Variants in RNF17 observed in about 807,000 individuals in gnomAD.
RNF17 encodes spermatogenesis associated 23.
A neutral mutation model predicts 200.5 loss-of-function variants in RNF17; 31 were observed. The ratio of observed to expected loss-of-function variants is 0.15; its 90% CI spans 0.12 to 0.21. The LOEUF (loss-of-function observed/expected upper bound fraction) is 0.21. Ranked by LOEUF, RNF17 falls within the 10% of genes least tolerant of loss-of-function variation. The probability of loss-of-function intolerance (pLI) is 1.00; values close to 1 mark genes in which losing one functional copy is unlikely to be tolerated. For synonymous variants in RNF17, 606 were observed against 637.8 expected (o/e 0.95, Z 0.75); for missense variants, 1,628 against 1,905.1 (o/e 0.85, Z 2.71).
intron 11 of RNF17, among the ~76,000 whole-genome samples, chr13:24,798,048 T>TACTA (rs1269912542): frequency 2.0e-5 from 3 of 152,144 alleles, no homozygotes; most frequent in African/African-American, 7.2e-5. Flanking sequence ...GTTAACCCAC[T>TACTA]ACCACTATGA....
At chr13:24,876,195 G>A (rs1894837723) in intron 33 of RNF17, among the ~76,000 whole-genome samples, 1 of 152,176 alleles carries the variant, frequency 6.6e-6, no homozygotes, top group South Asian at 2.1e-4. Context: ...GCTTACAAAT[G>A]TGTCATGATC....
intron 3 of RNF17, among the ~76,000 whole-genome samples, chr13:24,775,500 C>T (rs1343412341): frequency 2.6e-5 from 4 of 152,146 alleles, no homozygotes; most frequent in Non-Finnish European, 4.4e-5. Context: ...ATCCTTCTGC[C>T]TCAGCCTCTC....
the RNF17 span, among the ~76,000 whole-genome samples, chr13:24,757,940 A>T: frequency 6.6e-6 from 1 of 152,044 alleles, no homozygotes; most frequent in African/African-American, 2.4e-5. Flanking sequence ...ATGGGGGTGG[A>T]TCCTTCATGA....
downstream of RNF17, chr13:24,882,926 A>T: frequency 2.0e-6 from 1 of 487,990 alleles, no homozygotes; most frequent in South Asian, 2.2e-5. Context: ...TACTGTAAAA[A>T]CCTGTACACA....
chr13:24,858,737 T>C (rs1892783639), intron 25 of RNF17, among the ~76,000 whole-genome samples: 1 of 152,136 alleles, frequency 6.6e-6, no homozygotes, highest in Admixed American at 6.5e-5. Context: ...ACTGACCCTA[T>C]TTTGAATTGG....
intron 7 of RNF17, among the ~76,000 whole-genome samples, chr13:24,788,549 A>G (rs758812068): frequency 3.9e-5 from 6 of 152,096 alleles, no homozygotes; most frequent in South Asian, 4.2e-4. Context: ...CACATAAACA[A>G]TTTAGGTGTG....
chr13:24,845,444 T>C (rs1463298251), intron 22 of RNF17, among the ~76,000 whole-genome samples: 2 of 152,226 alleles, frequency 1.3e-5, no homozygotes, highest in Non-Finnish European at 2.9e-5. Flanking sequence ...TTTAGTCTAC[T>C]GGAATCCCAC....
chr13:24,826,751 C>T (rs962017759), intron 16 of RNF17, among the ~76,000 whole-genome samples: 2 of 150,122 alleles, frequency 1.3e-5, no homozygotes, highest in Admixed American at 6.7e-5. Context: ...CCAGCCTGGG[C>T]GACAGAGCAA....
intron 27 of RNF17, among the ~76,000 whole-genome samples, chr13:24,862,172 A>G (rs1274362163): frequency 6.6e-6 from 1 of 152,204 alleles, no homozygotes; most frequent in Non-Finnish European, 1.5e-5. Flanking sequence ...GGGTGGGGAC[A>G]CAGCCAAACC....
chr13:24,751,936 C>T, the RNF17 span: 1 of 152,174 alleles, frequency 6.6e-6, no homozygotes, highest in Admixed American at 6.5e-5. Flanking sequence ...CCATAATGTA[C>T]AGCAGGCGTG....
intron 15 of RNF17, among the ~76,000 whole-genome samples, chr13:24,810,411 CTT>C (rs1228360659): frequency 1.8e-5 from 2 of 113,788 alleles, no homozygotes; most frequent in African/African-American, 3.7e-5. Context: ...TTCTTTGTCT[CTT>C]TTGATCTTTG....
intron 18 of RNF17, among the ~76,000 whole-genome samples, chr13:24,835,687 G>T (rs1199340462): frequency 6.6e-6 from 1 of 152,188 alleles, no homozygotes; most frequent in African/African-American, 2.4e-5. Flanking sequence ...TTCAGCCCTA[G>T]ACCTTCCCTC....
rs1197987088 is a variant in RNF17 at position 24,868,623 on chromosome 13, C to G, written c.4185C>G (p.Asp1395Glu). ...AGGAATTGCTTTCGGCTGAAACAGA[C>G]ACTCCTCTTTTACCACCATATTTGT... ...RFEELLSAET[D>E]TPLLPPYLSS... Residue 1395 changes from aspartate to glutamate, a missense_variant, in exon 31 of 36, where the codon GAC becomes GAG. Transcript: ENST00000255324. 1 of 1,605,314 alleles carries G rather than the reference C, an allele frequency of 6.2e-7. No homozygotes were observed. The highest frequency in any genetic ancestry group is 1.1e-5 in the South Asian group (1 of 90,916).
At chr13:24,874,357 G>A (rs1894628228) in intron 33 of RNF17, 108 bp downstream of exon 33, 1 of 823,110 alleles carries the variant, frequency 1.2e-6, no homozygotes, top group East Asian at 3.5e-5. Flanking sequence ...TTCTAAGGCT[G>A]TTTATAAATT....
the RNF17 span, among the ~76,000 whole-genome samples, chr13:24,747,914 G>C: frequency 6.6e-6 from 1 of 152,236 alleles, no homozygotes; most frequent in Non-Finnish European, 1.5e-5. Context: ...CCGTGCTCGG[G>C]CCCTACCCAG....
intron 33 of RNF17, 91 bp from the exon 34 acceptor site, chr13:24,876,904 AAT>A: frequency 9.8e-7 from 1 of 1,021,320 alleles, no homozygotes; most frequent in Non-Finnish European, 1.4e-6. Context: ...TGCAAAATCC[AAT>A]GTTATGAAGC....
chr13:24,882,173 G>T (rs866898956), downstream of RNF17: 3 of 5,982 alleles, frequency 5.0e-4, 1 homozygote, highest in Non-Finnish European at 5.8e-4. Flanking sequence ...TATATAGATA[G>T]ATACATCTAT....
At position 24,842,037 on chromosome 13, in the gene RNF17, A is replaced by G. The variant is rs1201739853; in HGVS notation, c.2483-4A>G. 1.3e-6 allele frequency: 2 copies of G among 1,594,574 alleles called. No individual in the cohort carries two copies. Among genetic ancestry groups the G allele is most frequent in the Admixed American group, 3.7e-5 (2 of 54,654 alleles). ...TTCCCCAAACTTTCTTAATGGTTTT[A>G]CAGAAATTCTGGAAGATAATGTGCT... is the stretch of plus-strand genomic sequence containing the variant. On this transcript the variant is annotated splice_region_variant and splice_polypyrimidine_tract_variant and intron_variant, in intron 18 of 35. Transcript: ENST00000255324.
In RNF17 at chr13:24,859,039, A is replaced by G. The variant is rs752156408; in HGVS notation, c.3649A>G (p.Asn1217Asp). 8.7e-6 allele frequency: 14 copies of G among 1,600,336 alleles called. No homozygotes were observed. The highest frequency in any genetic ancestry group is 5.4e-5 in the African/African-American group (4 of 74,656). ...LIKMTNEIQSNLKCLGLLEPY... is the reference protein window; with the variant it reads ...LIKMTNEIQSDLKCLGLLEPY... ...AAAAATGACAAATGAAATTCAAAGT[A>G]ATTTAAAATGCCTTGGTCTTTTGGA... Residue 1217 changes from asparagine to aspartate, a missense_variant, in exon 26 of 36, where the codon AAT becomes GAT. Coordinates refer to ENST00000255324, the MANE Select transcript of RNF17 (RefSeq NM_031277.3).
Sources: gnomAD v4.1 joint callset for allele counts (sites outside exome capture counted in the v4.1 genomes callset) on GRCh38, gnomAD v4.1.1 for gene constraint, MANE v1.5 for transcripts, NCBI Gene and HGNC (gene_info 2026-07-23, HGNC 2026-07-21) for gene names.